The following SPICE1 variants were observed in gnomAD, a reference collection of about 807,000 sequenced individuals.
SPICE1 encodes spindle and centriole-associated protein 1.
SPICE1 carries 75 observed loss-of-function variants against 102.7 expected under a neutral mutation model. That is an observed-to-expected ratio of 0.73 (90% confidence interval 0.61 to 0.88). SPICE1 has a LOEUF of 0.88. Ranked by LOEUF, SPICE1 falls within the 40% of genes least tolerant of loss-of-function variation. The pLI, the probability that SPICE1 is intolerant of heterozygous loss-of-function variation, is 0.00. For synonymous variants in SPICE1, 308 were observed against 350.3 expected, an observed-to-expected ratio of 0.88 and a Z score of 1.35; for missense variants, 979 against 1,020.1, an observed-to-expected ratio of 0.96 and a Z score of 0.55.
Position 113,468,915 on chromosome 3 carries a change from T to C in SPICE1, c.752-16A>G. The C allele has an allele frequency of 6.3e-7, 1 of 1,597,630 alleles. No individual in the cohort carries two copies. Among genetic ancestry groups the C allele is most frequent in the Non-Finnish European group, 8.5e-7 (1 of 1,174,856 alleles). On this transcript the variant is annotated splice_polypyrimidine_tract_variant and intron_variant, in intron 8 of 17. Transcript: ENST00000295872. ...TTCAGAGCAGCTAAAAGGAAGAACA[T>C]TTCCAAAAGTATCTCAAGTGAACAA...
chr3:113,464,638 T>C (rs1936009967), intron 11 of SPICE1, among the ~76,000 whole-genome samples: 1 of 152,212 alleles, frequency 6.6e-6, no homozygotes, highest in Admixed American at 6.5e-5. Flanking sequence ...CTATTACTTG[T>C]CTAGTCTCTT....
At chr3:113,474,307 A>G (rs889342295) in intron 7 of SPICE1, among the ~76,000 whole-genome samples, 1 of 152,162 alleles carries the variant, frequency 6.6e-6, no homozygotes. Context: ...GTGACCTACA[A>G]AGAGACTTAG....
Position 113,458,816 on chromosome 3 carries a change from G to C in SPICE1, c.1436-1459C>G, listed in dbSNP as rs549752526. On this transcript the variant is annotated intron_variant, in intron 12 of 17. Coordinates refer to ENST00000295872, the MANE Select transcript of SPICE1 (RefSeq NM_144718.4). ...CGTCTGGGATGTGGGGAGCGTCTCT[G>C]CCCCGCTGCCCCGTCTGAGAGGTGA... 9.3e-5 allele frequency among the ~76,000 whole-genome samples: 14 copies of C among 150,616 alleles called. No individual in the cohort carries two copies. In the East Asian group the frequency reaches 2.6e-3, roughly 27 times the overall value.
At chr3:113,509,124 T>C (rs1937169137) in intron 1 of SPICE1, among the ~76,000 whole-genome samples, 1 of 152,146 alleles carries the variant, frequency 6.6e-6, no homozygotes, top group African/African-American at 2.4e-5. Context: ...TAGTGTTTCT[T>C]TGGGGAGTGA....
intron 11 of SPICE1, 91 bp downstream of exon 11, chr3:113,465,562 T>C (rs1357803156): frequency 1.7e-6 from 2 of 1,196,720 alleles, no homozygotes; most frequent in South Asian, 1.5e-5. Flanking sequence ...TCGATACAGT[T>C]AAACCAAAAG....
Position 113,460,607 on chromosome 3 carries a change from C to T in SPICE1, c.1435+10G>A, listed in dbSNP as rs1308633052. ...CTAATGACAGTCTGAGAGAGTAAGA[C>T]CACACTCACCTGGACTGTCCATAAC... On this transcript the variant is annotated intron_variant, in intron 12 of 17. Transcript: ENST00000295872. The T allele has an allele frequency of 6.3e-7, 1 of 1,597,376 alleles. No individual in the cohort carries two copies. The highest frequency in any genetic ancestry group is 1.1e-5 in the South Asian group (1 of 87,046).
intron 7 of SPICE1, among the ~76,000 whole-genome samples, chr3:113,482,329 T>G (rs1674487784): frequency 2.0e-5 from 3 of 152,228 alleles, no homozygotes; most frequent in Admixed American, 2.0e-4. Context: ...AATAGATAGA[T>G]TGCAAAAATT....
intron 3 of SPICE1, among the ~76,000 whole-genome samples, chr3:113,502,176 G>C (rs866438908): frequency 2.6e-5 from 4 of 152,098 alleles, no homozygotes; most frequent in African/African-American, 9.7e-5. Context: ...AGGAGTTCGA[G>C]ACCAGCCTGG....
In SPICE1 at chr3:113,460,473, G is replaced by A. The variant is rs1046402608; in HGVS notation, c.1435+144C>T. 15 of 1,392,750 alleles carry A rather than the reference G, an allele frequency of 1.1e-5. No individual in the cohort carries two copies. The African/African-American group carries it at 2.0e-4, about 19-fold the overall frequency. The allele number at this position is 1,392,750 out of a possible 1,614,324, so 86.3% of individuals were successfully genotyped here. On this transcript the variant is annotated intron_variant, in intron 12 of 17. Transcript: ENST00000295872. Reference sequence around the variant, plus strand: ...CATGCATCCAATATTAGCTGGAAAAGTAGTGGCAACTGTAGTAGTGACAAT... The same window carrying A: ...CATGCATCCAATATTAGCTGGAAAAATAGTGGCAACTGTAGTAGTGACAAT...
chr3:113,468,417 G>C lies in SPICE1; in HGVS notation c.890-13C>G. 2 of 1,607,450 alleles carry C rather than the reference G, an allele frequency of 1.2e-6. No homozygotes were observed. The highest frequency in any genetic ancestry group is 1.7e-6 in the Non-Finnish European group (2 of 1,175,200). On this transcript the variant is annotated splice_polypyrimidine_tract_variant and intron_variant, in intron 9 of 17. Transcript: ENST00000295872. ...GGTTTCCTTTTCACTGATAATGAGAGAAGTCATTCTATTTTAAGACCAGGA... is the reference window on the plus strand; with the variant it reads ...GGTTTCCTTTTCACTGATAATGAGACAAGTCATTCTATTTTAAGACCAGGA...
chr3:113,445,577 A>G (rs185439083), intron 17 of SPICE1, among the ~76,000 whole-genome samples: 10 of 152,286 alleles, frequency 6.6e-5, no homozygotes, highest in Admixed American at 1.3e-4. Context: ...CTGATTTAGG[A>G]GTCATAATTT....
In SPICE1 at chr3:113,453,480, T is replaced by C; in HGVS notation, c.2128A>G (p.Ser710Gly). Residue 710 changes from serine (S) to glycine (G), a missense_variant, in exon 14 of 18, where the codon AGT becomes GGT. Transcript: ENST00000295872. ...ATGGTACTCACAGAAGTCATGTCAC[T>C]TGCACTTTCTTGTTTGTTCAACTCC... ...LRELNKQESA[S>G]DMTSTFPVAQ... 3 of 1,607,556 alleles carry C rather than the reference T, an allele frequency of 1.9e-6. No individual in the cohort carries two copies. Among genetic ancestry groups the C allele is most frequent in the Non-Finnish European group, 1.7e-6 (2 of 1,175,612 alleles).
At chr3:113,504,689 A>G (rs1057076734) in intron 2 of SPICE1, among the ~76,000 whole-genome samples, 1 of 152,164 alleles carries the variant, frequency 6.6e-6, no homozygotes, top group African/African-American at 2.4e-5. Flanking sequence ...AGTAAGTGAT[A>G]GGCTTGAAAT....
intron 4 of SPICE1, among the ~76,000 whole-genome samples, chr3:113,494,499 T>C (rs1169654418): frequency 1.3e-5 from 2 of 151,658 alleles, no homozygotes; most frequent in Non-Finnish European, 2.9e-5. Context: ...TACAAAAAAT[T>C]AGCCGGGCGT....
chr3:113,459,220 A>G lies in SPICE1; in HGVS notation c.1435+1397T>C, dbSNP rs1453376561. 2.6e-5 allele frequency among the ~76,000 whole-genome samples: 4 copies of G among 152,174 alleles called. No homozygotes were observed. In the South Asian group the frequency reaches 6.2e-4, roughly 24 times the overall value. ...TGTTAAACAGATGCTTGAAAGCAGC[A>G]TACTCGTTAAGAGTCATCACCACTC... On this transcript the variant is annotated intron_variant, in intron 12 of 17. Transcript: ENST00000295872.
At position 113,443,118 on chromosome 3, in the gene SPICE1, A is replaced by C. The variant is rs1327375824; in HGVS notation, c.*2189T>G. 6.6e-6 allele frequency: 1 copy of C among 152,218 alleles called. No homozygotes were observed. Among genetic ancestry groups the C allele is most frequent in the Non-Finnish European group, 1.5e-5 (1 of 68,040 alleles). The allele number at this position is 152,218 out of a possible 1,614,324, so 9.4% of individuals were successfully genotyped here. ...ATTTATTTATTTATATACCAAAAAA[A>C]ATTGGCAGTGATCATTACTGAGTGT... On this transcript the variant is annotated 3_prime_UTR_variant, in exon 18 of 18. Transcript: ENST00000295872.
chr3:113,446,593 G>C lies in SPICE1; in HGVS notation c.2510C>G (p.Ala837Gly). The change falls in exon 17 of 18, where the codon GCA becomes GGA. Residue 837 changes from alanine to glycine, a missense_variant. Ala to Gly is a moderately conservative substitution (Grantham distance 60). Transcript: ENST00000295872. ...SGRFTPLNPR[A>G]KIEKQNEEGW... ...CAATTACATTTTAACGTGTACCTTTGCTCTTGGATTAAGAGGTGTGAATCT... is the reference window on the plus strand; with the variant it reads ...CAATTACATTTTAACGTGTACCTTTCCTCTTGGATTAAGAGGTGTGAATCT... 6 of 1,612,204 alleles carry C rather than the reference G, an allele frequency of 3.7e-6. No individual in the cohort carries two copies. Among genetic ancestry groups the C allele is most frequent in the Non-Finnish European group, 5.1e-6 (6 of 1,178,648 alleles).
chr3:113,476,567 T>G (rs7631486), intron 7 of SPICE1, among the ~76,000 whole-genome samples: 133,694 of 135,584 alleles, frequency 0.99, 65,999 homozygotes, highest in Middle Eastern at 1. Context: ...AAACAGCATG[T>G]TACTGGTACC....
chr3:113,453,359 C>CA, intron 14 of SPICE1, 107 bp downstream of exon 14: 6 of 1,422,492 alleles, frequency 4.2e-6, no homozygotes, highest in Non-Finnish European at 5.7e-6. Flanking sequence ...CATCTAGCCT[C>CA]AAAGCTTTCT....
Sources: allele counts gnomAD v4.1 joint callset (sites outside exome capture counted in the v4.1 genomes callset), GRCh38; gene constraint gnomAD v4.1.1; transcripts MANE v1.5; gene names NCBI Gene and HGNC (gene_info 2026-07-23, HGNC 2026-07-21).